ZNF644: variants seen among roughly 807,000 people sequenced by gnomAD.
The protein encoded by ZNF644 is zinc finger protein 644.
ZNF644 carries 20 observed loss-of-function variants against 108.0 expected under a neutral mutation model. The ratio of observed to expected loss-of-function variants is 0.19; its 90% CI spans 0.13 to 0.27. The LOEUF is 0.27. ZNF644 is among the 10% of genes least tolerant of loss of function. The probability of loss-of-function intolerance (pLI) is 1.00; values close to 1 mark genes in which losing one functional copy is unlikely to be tolerated. For missense variants in ZNF644, 1,338 were observed against 1,548.9 expected (o/e 0.86, Z 2.29); for synonymous variants, 542 against 539.1 (o/e 1.01, Z -0.08).
At chr1:91,002,822 C>G (rs1659000210) in intron 1 of ZNF644, among the ~76,000 whole-genome samples, 4 of 152,022 alleles carry the variant, frequency 2.6e-5, no homozygotes, top group Admixed American at 2.0e-4. Context: ...TGAACTCAAA[C>G]AAAGTTACCA....
In ZNF644 at chr1:90,938,310, C is replaced by A. The variant is rs760344788; in HGVS notation, c.3044G>T (p.Arg1015Ile). The A allele has an allele frequency of 6.2e-7, 1 of 1,613,966 alleles. No homozygotes were observed. The highest frequency in any genetic ancestry group is 8.5e-7 in the Non-Finnish European group (1 of 1,179,894). ...ATSDKMQHFK[R>I]TGTGTPVKRV... is the part of the protein sequence containing the mutation. The stretch of plus-strand genomic sequence containing the variant: ...TTTAACAGGTGTTCCTGTGCCAGTT[C>A]TTTTGAAATGCTGCATTTTGTCACT... Residue 1015 changes from arginine to isoleucine, a missense_variant, in exon 3 of 6, where the codon AGA (arginine) becomes ATA (isoleucine). Coordinates refer to ENST00000337393, the MANE Select transcript of ZNF644 (RefSeq NM_201269.3). This position sits in a 1 kb window ranked among gnomAD's most constrained non-coding sequence, Gnocchi z 4.2.
chr1:90,942,379 T>C (rs76978740), intron 2 of ZNF644, among the ~76,000 whole-genome samples: 1,701 of 152,310 alleles, frequency 0.011, 14 homozygotes, highest in South Asian at 0.021. Flanking sequence ...CTACCCCCAC[T>C]ATGAAAAGTT....
At chr1:91,007,225 GTTTTTTTTTTTTT>G (rs35761791) in intron 1 of ZNF644, among the ~76,000 whole-genome samples, 19 of 55,996 alleles carry the variant, frequency 3.4e-4, no homozygotes, top group South Asian at 1.4e-3. Context: ...CTCCCATTTT[GTTTTTTTTTTTTT>G]TTTTTTTTTT....
intron 1 of ZNF644, 75 bp from the exon 2 acceptor site, chr1:90,982,445 A>G: frequency 1.1e-6 from 1 of 949,482 alleles, no homozygotes; most frequent in Non-Finnish European, 1.7e-6. Context: ...ACAATACACT[A>G]TTATTTTAAA....
At chr1:90,997,518 T>C (rs1239255110) in intron 1 of ZNF644, among the ~76,000 whole-genome samples, 1 of 151,914 alleles carries the variant, frequency 6.6e-6, no homozygotes, top group African/African-American at 2.4e-5. Flanking sequence ...GACATTATTT[T>C]AAATGTGCAG....
chr1:90,971,694 G>C (rs1570468005), intron 2 of ZNF644, among the ~76,000 whole-genome samples: 1 of 152,062 alleles, frequency 6.6e-6, no homozygotes, highest in South Asian at 2.1e-4. Flanking sequence ...TGGGATTACA[G>C]GTGTGAGCCA....
In ZNF644 at chr1:90,937,720, A is replaced by G. The variant is rs1380787505; in HGVS notation, c.3453T>C (p.Asn1151=). 1 of 1,613,736 alleles carries G rather than the reference A, an allele frequency of 6.2e-7. No individual in the cohort carries two copies. Among genetic ancestry groups the G allele is most frequent in the Non-Finnish European group, 8.5e-7 (1 of 1,179,884 alleles). The change falls in exon 4 of 6, where the codon AAT becomes AAC. Residue 1151 remains asparagine (N), a synonymous_variant. Coordinates refer to ENST00000337393, the MANE Select transcript of ZNF644 (RefSeq NM_201269.3). ...GTTCTGGTTTTGTTTCATCATATTC[A>G]TTTAAGAAATTCAGCCCTTCTTCTT... ...ASEEEGLNFL[N]EYDETKPELP...
intron 2 of ZNF644, among the ~76,000 whole-genome samples, chr1:90,960,722 ACACCCTAAAG>A (rs889049547): frequency 5.9e-5 from 9 of 152,230 alleles, no homozygotes; most frequent in African/African-American, 1.9e-4. Context: ...TCTTAGTAAG[ACACCCTAAAG>A]CTCCCTTTAG....
At chr1:90,997,013 A>T (rs1017325910) in intron 1 of ZNF644, among the ~76,000 whole-genome samples, 1 of 152,198 alleles carries the variant, frequency 6.6e-6, no homozygotes, top group African/African-American at 2.4e-5. Flanking sequence ...TGTCAAAAAC[A>T]ATCAGAGGTA....
At chr1:91,016,063 A>T (rs1245730470) in intron 1 of ZNF644, among the ~76,000 whole-genome samples, 1 of 152,128 alleles carries the variant, frequency 6.6e-6, no homozygotes, top group Non-Finnish European at 1.5e-5. Context: ...ACTTTATCAT[A>T]TCCTGCCTCT....
intron 2 of ZNF644, among the ~76,000 whole-genome samples, chr1:90,958,706 A>C (rs956373606): frequency 5.9e-5 from 9 of 152,230 alleles, no homozygotes; most frequent in Non-Finnish European, 1.0e-4. Flanking sequence ...TGCCAAGACC[A>C]TTCAATGGGG....
chr1:90,949,760 T>G (rs1464420818), intron 2 of ZNF644, among the ~76,000 whole-genome samples: 1 of 152,206 alleles, frequency 6.6e-6, no homozygotes, highest in Non-Finnish European at 1.5e-5. Flanking sequence ...CATCATTTTA[T>G]GTAAAGGTCT....
chr1:90,955,607 C>T (rs1294092708), intron 2 of ZNF644, among the ~76,000 whole-genome samples: 8 of 152,156 alleles, frequency 5.3e-5, no homozygotes, highest in Non-Finnish European at 1.0e-4. Flanking sequence ...ATGAATCCAC[C>T]TCTGTTAGCT....
At position 90,939,390 on chromosome 1, in the gene ZNF644, G is replaced by C. The variant is rs763980285; in HGVS notation, c.1964C>G (p.Ser655Cys). Residue 655 changes from serine to cysteine, a missense_variant, in exon 3 of 6, where the codon TCT becomes TGT. Physicochemically the swap from Ser to Cys is moderately radical, Grantham distance 112. This residue lies in a region of ZNF644 where 462 missense variants were observed against 472.6 expected (regional missense o/e 0.98). Coordinates refer to ENST00000337393, the MANE Select transcript of ZNF644 (RefSeq NM_201269.3). Reference sequence around the variant, plus strand: ...TCGCTTCACATCTTGTTTTAAAGCAGAGTTCTTTGGAAATGTGGTTGACTG... The same window carrying C: ...TCGCTTCACATCTTGTTTTAAAGCACAGTTCTTTGGAAATGTGGTTGACTG... ...KQQSTTFPKNSALKQDVKRTF... is the reference protein window; with the variant it reads ...KQQSTTFPKNCALKQDVKRTF... The C allele has an allele frequency of 3.1e-6, 5 of 1,613,982 alleles. No individual in the cohort carries two copies. The highest frequency in any genetic ancestry group is 4.2e-6 in the Non-Finnish European group (5 of 1,179,948).
chr1:90,916,409 T>C lies in ZNF644; in HGVS notation c.*389A>G, dbSNP rs910665781. 1 of 209,288 alleles carries C rather than the reference T, an allele frequency of 4.8e-6. No homozygotes were observed. Among genetic ancestry groups the C allele is most frequent in the Non-Finnish European group, 9.8e-6 (1 of 102,438 alleles). The allele number at this position is 209,288 out of a possible 1,614,324, so 13.0% of individuals were successfully genotyped here. On this transcript the variant is annotated 3_prime_UTR_variant, in exon 6 of 6. Transcript: ENST00000337393. ...AAATACATACAAACAAAATATAATA[T>C]CTTATTTTTCTATGCAAGTCTTGTG...
At chr1:90,929,931 T>C (rs561788949) in intron 4 of ZNF644, among the ~76,000 whole-genome samples, 1 of 152,360 alleles carries the variant, frequency 6.6e-6, no homozygotes, top group South Asian at 2.1e-4. Context: ...CAAATAATTA[T>C]GATGGATAAG....
intron 4 of ZNF644, among the ~76,000 whole-genome samples, chr1:90,935,137 T>G (rs476315): frequency 0.14 from 21,032 of 152,136 alleles, 1,502 homozygotes; most frequent in African/African-American, 0.16. Context: ...TTCTAAAAAA[T>G]AAATGGGATT....
intron 1 of ZNF644, among the ~76,000 whole-genome samples, chr1:90,990,263 C>T (rs1215938140): frequency 6.6e-6 from 1 of 152,120 alleles, no homozygotes; most frequent in Non-Finnish European, 1.5e-5. Flanking sequence ...CACTACTAGA[C>T]TGTATACTTA....
At chr1:90,932,356 A>G (rs1650827435) in intron 4 of ZNF644, among the ~76,000 whole-genome samples, 1 of 152,166 alleles carries the variant, frequency 6.6e-6, no homozygotes, top group Admixed American at 6.5e-5. Flanking sequence ...ATGAATTAAG[A>G]CTGCTTAAAC....
Sources: allele counts gnomAD v4.1 joint callset (sites outside exome capture counted in the v4.1 genomes callset), GRCh38; gene constraint gnomAD v4.1.1; regional missense constraint gnomAD v4.1.1; non-coding constraint Gnocchi (gnomAD v3.1); transcripts MANE v1.5; gene names NCBI Gene and HGNC (gene_info 2026-07-23, HGNC 2026-07-21).